Variants in TPCN2 observed in about 807,000 individuals in gnomAD.
TPCN2 encodes two pore segment channel 2.
A neutral mutation model predicts 111.4 loss-of-function variants in TPCN2; 92 were observed. The observed-to-expected ratio is 0.83, with a 90% CI of 0.70 to 0.98. The LOEUF (loss-of-function observed/expected upper bound fraction) is 0.98. TPCN2 is among the 50% of genes least tolerant of loss of function. The pLI is 0.00. For missense variants in TPCN2, 995 were observed against 980.1 expected, an observed-to-expected ratio of 1.02 and a Z score of -0.20; for synonymous variants, 405 against 414.5, an observed-to-expected ratio of 0.98 and a Z score of 0.28.
intron 13 of TPCN2, among the ~76,000 whole-genome samples, chr11:69,074,926 C>T (rs1316495770): frequency 1.3e-5 from 2 of 152,190 alleles, no homozygotes; most frequent in African/African-American, 4.8e-5. Flanking sequence ...AGAGCTGACT[C>T]TCCCACCCTT....
chr11:69,063,924 G>A lies in TPCN2; in HGVS notation c.683G>A (p.Cys228Tyr), dbSNP rs892711998. 5 of 1,614,100 alleles carry A rather than the reference G, an allele frequency of 3.1e-6. No homozygotes were observed. Among genetic ancestry groups the A allele is most frequent in the Non-Finnish European group, 4.2e-6 (5 of 1,180,010 alleles). The change falls in exon 7 of 25, where the codon TGC becomes TAC. Residue 228 changes from cysteine (C) to tyrosine (Y), a missense_variant. Transcript: ENST00000294309. ...GGGCTGCTGCTGGCCATCCACCTGT[G>A]CCTCTTCACCATGTTCGGAATGCTG... ...SVGLLLAIHL[C>Y]LFTMFGMLLF... is the part of the protein sequence containing the mutation.
chr11:69,071,751 C>A (rs1053480180), intron 10 of TPCN2, among the ~76,000 whole-genome samples, 172 bp from the exon 11 acceptor site: 2 of 152,166 alleles, frequency 1.3e-5, no homozygotes, highest in Admixed American at 1.3e-4. Context: ...GGGAGTCTGA[C>A]CAATCCTCTC....
intron 18 of TPCN2, chr11:69,083,070 G>A (rs2134635700): frequency 6.6e-6 from 1 of 152,428 alleles, no homozygotes; most frequent in South Asian, 2.1e-4. Flanking sequence ...ACATGATCGT[G>A]TGTGCACACA....
chr11:69,055,444 G>C (rs1011718986), intron 4 of TPCN2, 92 bp downstream of exon 4: 50 of 1,316,774 alleles, frequency 3.8e-5, no homozygotes, highest in African/African-American at 1.5e-5. Flanking sequence ...TCTGGAGTGA[G>C]CTGCCTTTTC....
At chr11:69,071,773 G>A in intron 10 of TPCN2, 150 bp from the exon 11 acceptor site, 1 of 678,388 alleles carries the variant, frequency 1.5e-6, no homozygotes, top group Non-Finnish European at 2.5e-6. Context: ...TTCCTGGGGG[G>A]TGAGGGGCTG....
At chr11:69,087,022 C>A in intron 23 of TPCN2, 90 bp from the exon 24 acceptor site, 1 of 1,109,328 alleles carries the variant, frequency 9.0e-7, no homozygotes, top group Non-Finnish European at 1.3e-6. Context: ...TCAGCGGGTG[C>A]CCTGTGGCTG....
At chr11:69,071,878 C>A in intron 10 of TPCN2, 45 bp from the exon 11 acceptor site, 1 of 1,571,110 alleles carries the variant, frequency 6.4e-7, no homozygotes, top group Non-Finnish European at 8.7e-7. Context: ...GGGTTCTGAG[C>A]TGGGGGAGGG....
Position 69,086,447 on chromosome 11 carries a change from C to T in TPCN2, c.2004-76C>T, listed in dbSNP as rs573061026. 55 of 1,245,410 alleles carry T rather than the reference C, an allele frequency of 4.4e-5. No individual in the cohort carries two copies. The African/African-American group carries it at 5.0e-4, about 11-fold the overall frequency. The allele number at this position is 1,245,410 out of a possible 1,614,324, so 77.1% of individuals were successfully genotyped here. ...GGCTGCCCGAGAGCTGTCCTGGCCA[C>T]GCAGCAGTGGTGTTTGTATCGAGTG... On this transcript the variant is annotated intron_variant, in intron 22 of 24. Coordinates refer to ENST00000294309, the MANE Select transcript of TPCN2 (RefSeq NM_139075.4).
In TPCN2 at chr11:69,079,821, T is replaced by A; in HGVS notation, c.1540-13T>A. ...TTGCTGTAGCGAAGCCTTCTTTTCTTTTGTAATTAAAGGTTTTGGAGATCT... is the reference window on the plus strand; with the variant it reads ...TTGCTGTAGCGAAGCCTTCTTTTCTATTGTAATTAAAGGTTTTGGAGATCT... On this transcript the variant is annotated splice_polypyrimidine_tract_variant and intron_variant, in intron 16 of 24. Transcript: ENST00000294309. 6.2e-7 allele frequency: 1 copy of A among 1,613,224 alleles called. No individual in the cohort carries two copies. Among genetic ancestry groups the A allele is most frequent in the Non-Finnish European group, 8.5e-7 (1 of 1,179,628 alleles).
At chr11:69,071,812 C>G (rs1247094586) in intron 10 of TPCN2, 111 bp from the exon 11 acceptor site, 7 of 1,005,296 alleles carry the variant, frequency 7.0e-6, no homozygotes, top group Admixed American at 4.0e-5. Context: ...CTGGGCCCCC[C>G]CCCAAGGCTG....
chr11:69,079,006 A>G lies in TPCN2; in HGVS notation c.1525A>G (p.Thr509Ala). 6.2e-7 allele frequency: 1 copy of G among 1,611,486 alleles called. No homozygotes were observed. Among genetic ancestry groups the G allele is most frequent in the Non-Finnish European group, 8.5e-7 (1 of 1,178,722 alleles). ...YPSNVFDGLL[T>A]VVLLVLEIST... Reference sequence around the variant, plus strand: ...CAGCAACGTGTTTGACGGGCTCCTCACCGTTGTCCTGCTGGTAAAGTAGGC... The same window carrying G: ...CAGCAACGTGTTTGACGGGCTCCTCGCCGTTGTCCTGCTGGTAAAGTAGGC... Residue 509 changes from threonine to alanine, a missense_variant, in exon 16 of 25, where the codon ACC becomes GCC. Thr to Ala is a moderately conservative substitution (Grantham distance 58). Transcript: ENST00000294309.
At chr11:69,078,085 A>G (rs1443783648) in intron 13 of TPCN2, among the ~76,000 whole-genome samples, 1 of 151,842 alleles carries the variant, frequency 6.6e-6, no homozygotes, top group Non-Finnish European at 1.5e-5. Context: ...GCTGCTGGCC[A>G]CAGTACAGGA....
intron 18 of TPCN2, among the ~76,000 whole-genome samples, chr11:69,081,715 A>G (rs1340681427): frequency 1.3e-5 from 2 of 152,086 alleles, no homozygotes; most frequent in African/African-American, 4.8e-5. Context: ...GGGTTGGGAG[A>G]GGAAGGCGGG....
rs200218534 is a variant in TPCN2 at position 69,067,588 on chromosome 11, C to T, written c.812C>T (p.Thr271Met). Residue 271 changes from threonine to methionine, a missense_variant, in exon 8 of 25, where the codon ACG becomes ATG. Physicochemically the swap from Thr to Met is moderately conservative, Grantham distance 81. Coordinates refer to ENST00000294309, the MANE Select transcript of TPCN2 (RefSeq NM_139075.4). The part of the protein sequence containing the change: ...SLTSLLVLLT[T>M]ANNPDVMIPA... ...ACTTCCCTCCTGGTGCTGCTGACCA[C>T]GGCCAACAACCCCGATGGTGCGTGC... 4.5e-5 allele frequency: 72 copies of T among 1,613,906 alleles called. No homozygotes were observed. The highest frequency in any genetic ancestry group is 2.4e-4 in the South Asian group (22 of 91,082).
intron 6 of TPCN2, among the ~76,000 whole-genome samples, chr11:69,063,446 C>G (rs1855113128): frequency 6.6e-6 from 1 of 152,012 alleles, no homozygotes; most frequent in African/African-American, 2.4e-5. Flanking sequence ...GCGTGGGGCT[C>G]TCTCCCTGCG....
intron 4 of TPCN2, among the ~76,000 whole-genome samples, chr11:69,056,129 C>T (rs1854753587): frequency 6.6e-6 from 1 of 152,244 alleles, no homozygotes; most frequent in African/African-American, 2.4e-5. Flanking sequence ...GTCTCAGGGG[C>T]CCCCACATCC....
At chr11:69,050,858 T>G (rs1010470372) in intron 1 of TPCN2, among the ~76,000 whole-genome samples, 2 of 152,084 alleles carry the variant, frequency 1.3e-5, no homozygotes, top group African/African-American at 4.8e-5. Flanking sequence ...CCCTGGCAGG[T>G]GAGACCCGCT....
intron 13 of TPCN2, among the ~76,000 whole-genome samples, chr11:69,074,055 C>T (rs1348848259): frequency 1.3e-5 from 2 of 152,202 alleles, no homozygotes; most frequent in Non-Finnish European, 2.9e-5. Flanking sequence ...TTCTGAGCTA[C>T]TGGGGGTTAG....
chr11:69,081,333 GT>G (rs769840997), intron 17 of TPCN2, 66 bp from the exon 18 acceptor site: 362 of 1,147,818 alleles, frequency 3.2e-4, no homozygotes, highest in Non-Finnish European at 4.2e-4. Context: ...GAACCCGCGC[GT>G]TTCCTTGTCT....
Sources: gnomAD v4.1 joint callset for allele counts (sites outside exome capture counted in the v4.1 genomes callset) on GRCh38, gnomAD v4.1.1 for gene constraint, MANE v1.5 for transcripts, NCBI Gene and HGNC (gene_info 2026-07-23, HGNC 2026-07-21) for gene names.